Variants in ADGRB1 observed in about 807,000 individuals in gnomAD.
ADGRB1 encodes brain-specific angiogenesis inhibitor 1.
ADGRB1 carries 36 observed loss-of-function variants against 175.7 expected under a neutral mutation model. The observed-to-expected ratio is 0.20, with a 90% CI of 0.16 to 0.27. The LOEUF is 0.27. Among genes scored for constraint, ADGRB1 ranks in the 10% least tolerant of loss-of-function variants. ADGRB1 has a pLI of 1.00. For missense variants in ADGRB1, 1,731 were observed against 2,255.3 expected (o/e 0.77, Z 4.71); for synonymous variants, 1,054 against 979.4 (o/e 1.08, Z -1.42).
At chr8:142,528,542 C>G (rs1844366912) in intron 24 of ADGRB1, among the ~76,000 whole-genome samples, 1 of 152,118 alleles carries the variant, frequency 6.6e-6, no homozygotes, top group African/African-American at 2.4e-5. Context: ...ATTTCACTTG[C>G]AGTCAGCCGT....
chr8:142,528,026 G>T (rs1183747748), intron 24 of ADGRB1, among the ~76,000 whole-genome samples: 1 of 152,160 alleles, frequency 6.6e-6, no homozygotes, highest in Non-Finnish European at 1.5e-5. Flanking sequence ...AGCGCACCCA[G>T]ACTCGCCTGT....
chr8:142,511,418 G>T lies in ADGRB1; in HGVS notation c.2817+345G>T, dbSNP rs896503192. Among the ~76,000 whole-genome samples the T allele has an allele frequency of 6.6e-6, 1 of 152,170 alleles. No homozygotes were observed. The highest frequency in any genetic ancestry group is 2.4e-5 in the African/African-American group (1 of 41,452). The stretch of plus-strand genomic sequence containing the variant: ...GGCTGGGTCCTGAGCCGGGGGCTGG[G>T]AGGCGTCGCCTGTGGAGGGGCTACC... On this transcript the variant is annotated intron_variant, in intron 18 of 30. Coordinates refer to ENST00000517894, the MANE Select transcript of ADGRB1 (RefSeq NM_001702.3). This position sits in a 1 kb window ranked among gnomAD's most constrained non-coding sequence, Gnocchi z 4.5.
At chr8:142,489,133 G>T in intron 15 of ADGRB1, 23 bp downstream of exon 15, 1 of 1,590,828 alleles carries the variant, frequency 6.3e-7, no homozygotes, top group Admixed American at 1.8e-5. Context: ...GGGCAGGTGG[G>T]GTGGGCAGTG....
chr8:142,477,288 A>G lies in ADGRB1; in HGVS notation c.1222+10A>G. 6.6e-7 allele frequency: 1 copy of G among 1,515,660 alleles called. No individual in the cohort carries two copies. The highest frequency in any genetic ancestry group is 1.8e-5 in the Admixed American group (1 of 56,920). 93.9% of individuals were successfully genotyped at this position (1,515,660 alleles called of 1,614,324 possible). On this transcript the variant is annotated intron_variant, in intron 5 of 30. Transcript: ENST00000517894. The stretch of plus-strand genomic sequence containing the variant: ...TCTGCCGTGTGCCCAGGTGGGTGGG[A>G]CCTTGGGCTGGGGCAGCGGACAGCC...
chr8:142,479,594 C>T, intron 8 of ADGRB1, 99 bp from the exon 9 acceptor site: 1 of 1,548,954 alleles, frequency 6.5e-7, no homozygotes, highest in Non-Finnish European at 8.7e-7. Flanking sequence ...CCCGTCCTGT[C>T]CTCATAATGA....
intron 6 of ADGRB1, among the ~76,000 whole-genome samples, 175 bp downstream of exon 6, chr8:142,477,724 C>T (rs1049661080): frequency 3.3e-5 from 5 of 152,214 alleles, no homozygotes; most frequent in African/African-American, 9.6e-5. Flanking sequence ...GACCTTGGGG[C>T]ATTTCCCACC....
chr8:142,535,433 G>A (rs1844869063), intron 25 of ADGRB1, among the ~76,000 whole-genome samples: 1 of 152,206 alleles, frequency 6.6e-6, no homozygotes, highest in African/African-American at 2.4e-5. Context: ...GCCCCTGTGT[G>A]TGGGCTCCGT....
chr8:142,456,315 G>A (rs763775039), intron 1 of ADGRB1, among the ~76,000 whole-genome samples: 1 of 152,094 alleles, frequency 6.6e-6, no homozygotes, highest in Non-Finnish European at 1.5e-5. Context: ...CACTCTGTGC[G>A]CACACACTTG....
rs1286122117 is a variant in ADGRB1 at position 142,510,463 on chromosome 8, T to TCCGAACCCGCCCCGCGCC, written c.2676-466_2676-449dup. ...GCTCCGGAGCGGACCCTCGCCGCGC[T>TCCGAACCCGCCCCGCGCC]CCGAACCCGCCCCGCGCCCCCAGGC... On this transcript the variant is annotated intron_variant, in intron 17 of 30. Transcript: ENST00000517894. This position sits in a 1 kb window ranked among gnomAD's most constrained non-coding sequence, Gnocchi z 6.3. 1.3e-5 allele frequency among the ~76,000 whole-genome samples: 2 copies of TCCGAACCCGCCCCGCGCC among 150,226 alleles called. No individual in the cohort carries two copies. The highest frequency in any genetic ancestry group is 3.0e-5 in the Non-Finnish European group (2 of 67,548).
intron 13 of ADGRB1, 73 bp downstream of exon 13, chr8:142,484,837 A>G (rs2131849286): frequency 8.5e-7 from 1 of 1,183,040 alleles, no homozygotes. Context: ...CTGCCTCAGC[A>G]TCCTCATCTG....
intron 2 of ADGRB1, among the ~76,000 whole-genome samples, chr8:142,472,428 G>A (rs561743562): frequency 1.2e-4 from 18 of 152,278 alleles, no homozygotes; most frequent in South Asian, 1.0e-3. Context: ...CTGGAGGGGC[G>A]GCCCACCCCC....
intron 5 of ADGRB1, 26 bp downstream of exon 5, chr8:142,477,304 G>A: frequency 6.3e-7 from 1 of 1,588,690 alleles, no homozygotes; most frequent in Non-Finnish European, 8.6e-7. Context: ...GGCTGGGGCA[G>A]CGGACAGCCA....
intron 22 of ADGRB1, among the ~76,000 whole-genome samples, chr8:142,523,883 G>A (rs752647449): frequency 6.6e-6 from 1 of 152,044 alleles, no homozygotes; most frequent in Non-Finnish European, 1.5e-5. Flanking sequence ...AAGGAGGGTC[G>A]GCCAGAGACC....
chr8:142,479,729 C>T lies in ADGRB1; in HGVS notation c.1763C>T (p.Ala588Val), dbSNP rs368623056. The T allele has an allele frequency of 5.0e-6, 8 of 1,613,568 alleles. No homozygotes were observed. Among genetic ancestry groups the T allele is most frequent in the Non-Finnish European group, 6.8e-6 (8 of 1,179,672 alleles). The change falls in exon 9 of 31, where the codon GCT becomes GTT. Residue 588 changes from alanine to valine, a missense_variant. Coordinates refer to ENST00000517894, the MANE Select transcript of ADGRB1 (RefSeq NM_001702.3). Reference sequence around the variant, plus strand: ...ATCTGTGATGAGGACAACTTTGGTGCTGTGATCTGGAAGGAGACCCCAGCG... The same window carrying T: ...ATCTGTGATGAGGACAACTTTGGTGTTGTGATCTGGAAGGAGACCCCAGCG... The part of the protein sequence containing the change: ...HEICDEDNFG[A>V]VIWKETPAGE...
intron 27 of ADGRB1, 27 bp downstream of exon 27, chr8:142,539,440 G>C: frequency 6.3e-7 from 1 of 1,599,020 alleles, no homozygotes; most frequent in South Asian, 1.1e-5. Context: ...TGAGAGGACA[G>C]TGCCAGCCCG....
Position 142,522,077 on chromosome 8 carries a change from A to T in ADGRB1, c.3137A>T (p.Asn1046Ile), listed in dbSNP as rs778571439. 6.2e-7 allele frequency: 1 copy of T among 1,612,224 alleles called. No homozygotes were observed. Among genetic ancestry groups the T allele is most frequent in the South Asian group, 1.1e-5 (1 of 91,048 alleles). ...ATGGCGGTGACGGGCCACCTCCGGA[A>T]CCGCCTCATCCGCAAGCGCTTCCTC... Reference protein sequence around the residue: ...SYMAVTGHLRNRLIRKRFLCL... With the variant: ...SYMAVTGHLRIRLIRKRFLCL... The change falls in exon 21 of 31, where the codon AAC becomes ATC. Residue 1046 changes from asparagine to isoleucine, a missense_variant. Transcript: ENST00000517894.
At position 142,542,412 on chromosome 8, in the gene ADGRB1, C is replaced by T. The variant is rs1482546030; in HGVS notation, c.4178C>T (p.Pro1393Leu). Residue 1393 changes from proline (P) to leucine (L), a missense_variant, in exon 28 of 31, where the codon CCG becomes CTG. Physicochemically the swap from Pro to Leu is moderately conservative, Grantham distance 98 (BLOSUM62 -3). Around this residue, in one of 8 missense-constraint regions of ADGRB1, gnomAD observed 394 missense variants for 410.2 expected, o/e 0.96. Coordinates refer to ENST00000517894, the MANE Select transcript of ADGRB1 (RefSeq NM_001702.3). The surrounding 1 kb of genome is among the most constrained non-coding windows in gnomAD (Gnocchi z 6.3). ...APEASLPARS[P>L]PSRQPPSGGP... is the part of the protein sequence containing the mutation. Reference sequence around the variant, plus strand: ...GAGGCCAGCCTCCCCGCCCGCAGCCCGCCCTCCCGCCAGCCCCCCAGCGGC... The same window carrying T: ...GAGGCCAGCCTCCCCGCCCGCAGCCTGCCCTCCCGCCAGCCCCCCAGCGGC... 42 of 1,539,646 alleles carry T rather than the reference C, an allele frequency of 2.7e-5. No individual in the cohort carries two copies. The highest frequency in any genetic ancestry group is 2.9e-5 in the Non-Finnish European group (33 of 1,143,360).
intron 23 of ADGRB1, 25 bp from the exon 24 acceptor site, chr8:142,526,517 A>ACCCCCC: frequency 4.1e-6 from 3 of 732,966 alleles, no homozygotes; most frequent in Non-Finnish European, 6.2e-6. Context: ...CCACCCCCAC[A>ACCCCCC]CCCCCACCAC....
chr8:142,538,203 G>A (rs548119283), intron 26 of ADGRB1, among the ~76,000 whole-genome samples: 22 of 152,304 alleles, frequency 1.4e-4, no homozygotes, highest in African/African-American at 2.4e-4. Context: ...CTCAGGCCAC[G>A]CCCCTGGTGA....
Sources: allele counts gnomAD v4.1 joint callset (sites outside exome capture counted in the v4.1 genomes callset), GRCh38; gene constraint gnomAD v4.1.1; regional missense constraint gnomAD v4.1.1; non-coding constraint Gnocchi (gnomAD v3.1); transcripts MANE v1.5; gene names NCBI Gene and HGNC (gene_info 2026-07-23, HGNC 2026-07-21).